Variants in CNTNAP2 observed in about 807,000 individuals in gnomAD.
The protein encoded by CNTNAP2 is contactin associated protein 2, also known as contactin-associated protein-like 2.
Under a neutral mutation model 155.2 loss-of-function variants are expected in CNTNAP2, and 98 were observed. The ratio of observed to expected loss-of-function variants is 0.63; its 90% CI spans 0.54 to 0.75. CNTNAP2 has a LOEUF of 0.75. Among genes scored for constraint, CNTNAP2 ranks in the 30% least tolerant of loss-of-function variants. The pLI is 0.00. For missense variants in CNTNAP2, 1,727 were observed against 1,688.1 expected (o/e 1.02, Z -0.40); for synonymous variants, 651 against 631.2 (o/e 1.03, Z -0.47).
chr7:146,983,234 G>T (rs538212445), intron 3 of CNTNAP2, among the ~76,000 whole-genome samples: 9 of 152,240 alleles, frequency 5.9e-5, no homozygotes, highest in Admixed American at 1.3e-4. Flanking sequence ...TCTGCTGAAT[G>T]GAAGTGGGAG....
chr7:146,953,629 C>A (rs79316795), intron 3 of CNTNAP2, among the ~76,000 whole-genome samples: 1 of 151,782 alleles, frequency 6.6e-6, no homozygotes, highest in East Asian at 1.9e-4. Context: ...ACCTTTTGAA[C>A]AAAAATCTTT....
At chr7:147,370,655 T>C (rs751337412) in intron 9 of CNTNAP2, among the ~76,000 whole-genome samples, 41 of 152,158 alleles carry the variant, frequency 2.7e-4, no homozygotes, top group Non-Finnish European at 5.0e-4. Context: ...ATATGCCTAA[T>C]AGATACCCAA....
At chr7:147,511,901 A>T (rs1003374655) in intron 11 of CNTNAP2, among the ~76,000 whole-genome samples, 2 of 152,178 alleles carry the variant, frequency 1.3e-5, no homozygotes, top group Admixed American at 6.5e-5. Flanking sequence ...CTATAGCAGG[A>T]GGTACAGGTG....
At chr7:146,218,228 G>A (rs907700348) in intron 1 of CNTNAP2, among the ~76,000 whole-genome samples, 2 of 152,154 alleles carry the variant, frequency 1.3e-5, no homozygotes, top group African/African-American at 2.4e-5. Flanking sequence ...CATTGCCATC[G>A]GCCGGGCGCG....
Position 148,185,272 on chromosome 7 carries a change from T to C in CNTNAP2, c.3010+12794T>C, listed in dbSNP as rs115591214. The stretch of plus-strand genomic sequence containing the variant: ...CCTTGAATGCATGGCCCTGATTAAA[T>C]TCCTGTCTCTGTCATGGAATTGGCA... On this transcript the variant is annotated intron_variant, in intron 18 of 23. Coordinates refer to ENST00000361727, the MANE Select transcript of CNTNAP2 (RefSeq NM_014141.6). 1.4e-3 allele frequency among the ~76,000 whole-genome samples: 210 copies of C among 152,358 alleles called. 1 individual carries two copies. The highest frequency in any genetic ancestry group is 4.6e-3 in the African/African-American group (192 of 41,592).
chr7:147,887,826 A>G (rs1276456239), intron 13 of CNTNAP2, among the ~76,000 whole-genome samples: 3 of 152,250 alleles, frequency 2.0e-5, no homozygotes, highest in African/African-American at 4.8e-5. Context: ...GATTATCTGA[A>G]CTTTAGCTCA....
At chr7:146,798,823 C>G (rs1318697688) in intron 2 of CNTNAP2, among the ~76,000 whole-genome samples, 1 of 152,032 alleles carries the variant, frequency 6.6e-6, no homozygotes, top group Non-Finnish European at 1.5e-5. Flanking sequence ...TAGCAAAAAG[C>G]AAATTATAAT....
At chr7:147,715,775 G>A (rs944896668) in intron 13 of CNTNAP2, among the ~76,000 whole-genome samples, 1 of 151,930 alleles carries the variant, frequency 6.6e-6, no homozygotes, top group African/African-American at 2.4e-5. Context: ...TCCTTGTCCT[G>A]TATCTTGAAG....
At chr7:147,768,768 G>C (rs1797421834) in intron 13 of CNTNAP2, among the ~76,000 whole-genome samples, 1 of 152,004 alleles carries the variant, frequency 6.6e-6, no homozygotes, top group Non-Finnish European at 1.5e-5. Flanking sequence ...CTATAAACCA[G>C]AGTCAGTTGT....
intron 13 of CNTNAP2, among the ~76,000 whole-genome samples, chr7:147,815,253 T>TCC (rs1395121537): frequency 6.6e-6 from 1 of 152,224 alleles, no homozygotes; most frequent in Non-Finnish European, 1.5e-5. Context: ...AGGTCATAAG[T>TCC]CTGAGTTGAT....
Position 146,795,275 on chromosome 7 carries a change from C to T in CNTNAP2, c.208+20894C>T, listed in dbSNP as rs910366166. On this transcript the variant is annotated intron_variant, in intron 2 of 23. Transcript: ENST00000361727. ...TAAACCATTCAGTTCTGTATATCGA[C>T]ATTTTGCCAACACTATGCTAATTCT... Among the ~76,000 whole-genome samples, 4 of 152,302 alleles carry T rather than the reference C, an allele frequency of 2.6e-5. No homozygotes were observed. The East Asian group carries it at 7.7e-4, about 29-fold the overall frequency.
intron 10 of CNTNAP2, among the ~76,000 whole-genome samples, chr7:147,448,237 C>A: frequency 6.6e-6 from 1 of 151,834 alleles, no homozygotes. Context: ...AGTTTTTAAT[C>A]TTAAAAACAC....
At chr7:148,037,588 G>A (rs1201454806) in intron 15 of CNTNAP2, among the ~76,000 whole-genome samples, 1 of 152,150 alleles carries the variant, frequency 6.6e-6, no homozygotes, top group Non-Finnish European at 1.5e-5. Context: ...CCCCTTGTCC[G>A]TGGTTTTGCT....
intron 14 of CNTNAP2, among the ~76,000 whole-genome samples, chr7:147,925,206 G>GGAAGTAAGGAAA (rs1168048569): frequency 3.3e-5 from 4 of 122,790 alleles, no homozygotes; most frequent in African/African-American, 1.2e-4. Context: ...AAGGAAGGAA[G>GGAAGTAAGGAAA]GAAAGAAGGA....
At chr7:147,588,902 G>A (rs530085841) in intron 12 of CNTNAP2, among the ~76,000 whole-genome samples, 18 of 152,144 alleles carry the variant, frequency 1.2e-4, no homozygotes, top group African/African-American at 4.1e-4. Flanking sequence ...TAGGGACCAC[G>A]AAAAGAATGC....
chr7:147,750,233 T>A (rs1239089463), intron 13 of CNTNAP2, among the ~76,000 whole-genome samples: 4 of 152,222 alleles, frequency 2.6e-5, no homozygotes, highest in Admixed American at 2.6e-4. Flanking sequence ...CAAGTTCTAA[T>A]GTCAAAATTT....
chr7:147,724,196 A>G (rs1525257), intron 13 of CNTNAP2, among the ~76,000 whole-genome samples: 151,073 of 152,088 alleles, frequency 0.99, 75,036 homozygotes, highest in Middle Eastern at 1. Context: ...CATGTAATAA[A>G]CCTAAAAATG....
chr7:146,547,194 ATTCTT>A (rs1173534078), intron 1 of CNTNAP2, among the ~76,000 whole-genome samples: 1 of 152,012 alleles, frequency 6.6e-6, no homozygotes, highest in African/African-American at 2.4e-5. Flanking sequence ...TATTCTTATA[ATTCTT>A]TTCTTTTCTA....
chr7:147,273,662 A>C (rs1484778534), intron 8 of CNTNAP2, among the ~76,000 whole-genome samples: 1 of 151,256 alleles, frequency 6.6e-6, no homozygotes, highest in Non-Finnish European at 1.5e-5. Context: ...CCTCCAGCTC[A>C]ATCCATGTTG....
Sources: allele counts gnomAD v4.1 joint callset (sites outside exome capture counted in the v4.1 genomes callset), GRCh38; gene constraint gnomAD v4.1.1; transcripts MANE v1.5; gene names NCBI Gene and HGNC (gene_info 2026-07-23, HGNC 2026-07-21).